KCTD15: variants seen among roughly 807,000 people sequenced by gnomAD.
The protein encoded by KCTD15 is potassium channel tetramerization domain containing 15, also known as BTB/POZ domain-containing protein KCTD15.
KCTD15 carries 11 observed loss-of-function variants against 27.2 expected under a neutral mutation model. The observed-to-expected ratio is 0.41, with a 90% confidence interval of 0.25 to 0.67. The LOEUF is 0.67. Among genes scored for constraint, KCTD15 ranks in the 30% least tolerant of loss-of-function variants. KCTD15 has a pLI of 0.35. For synonymous variants in KCTD15, 163 were observed against 176.0 expected (o/e 0.93, Z 0.58); for missense variants, 350 against 409.3 (o/e 0.86, Z 1.25).
intron 4 of KCTD15, among the ~76,000 whole-genome samples, chr19:33,804,926 CCTTTTCTTTCTTT>C (rs1975666891): frequency 6.6e-6 from 1 of 152,138 alleles, no homozygotes; most frequent in Non-Finnish European, 1.5e-5. Flanking sequence ...ACAGCCTTGC[CCTTTTCTTTCTTT>C]CTTTTAAGCG....
rs925910354 is a variant in KCTD15 at position 33,800,497 on chromosome 19, A to G, written c.43A>G (p.Thr15Ala). ...GCGGCCGAGCGGGTCCTCGCTTCAC[A>G]CACACGGCAGCACCGGCACCGCGGT... ...KERPSGSSLH[T>A]HGSTGTAEGG... is the part of the protein sequence containing the mutation. Residue 15 changes from threonine (T) to alanine (A), a missense_variant, in exon 3 of 7, where the codon ACA becomes GCA. Thr to Ala is a moderately conservative substitution (Grantham distance 58). Around this residue, in one of 3 missense-constraint regions of KCTD15, gnomAD observed 77 missense variants for 72.7 expected, o/e 1.06. Transcript: ENST00000683859. 5 of 1,603,606 alleles carry G rather than the reference A, an allele frequency of 3.1e-6. No homozygotes were observed. Among genetic ancestry groups the G allele is most frequent in the Middle Eastern group, 1.7e-4 (1 of 6,022 alleles).
At chr19:33,801,114 A>G in intron 3 of KCTD15, 53 bp from the exon 4 acceptor site, 1 of 1,510,308 alleles carries the variant, frequency 6.6e-7, no homozygotes, top group East Asian at 2.3e-5. Context: ...TTGTGGAGAA[A>G]CTCTTGTGTT....
chr19:33,811,954 G>A, intron 6 of KCTD15: 1 of 1,517,286 alleles, frequency 6.6e-7, no homozygotes, highest in African/African-American at 1.4e-5. Flanking sequence ...GCTGACCTGG[G>A]AGTCGCAGGC....
At position 33,813,587 on chromosome 19, in the gene KCTD15, GGGCTGAGTGA is replaced by G; in HGVS notation, c.*640_*649del. On this transcript the variant is annotated 3_prime_UTR_variant, in exon 7 of 7. Transcript: ENST00000683859. Reference sequence around the variant, plus strand: ...TGGGAGGAGAGTGGTGGGGGCCTGAGGGCTGAGTGATTCTGTAACCACCTGAGACCTTCAC... The same window carrying G: ...TGGGAGGAGAGTGGTGGGGGCCTGAGTTCTGTAACCACCTGAGACCTTCAC... 1 of 350,572 alleles carries G rather than the reference GGGCTGAGTGA, an allele frequency of 2.9e-6. No individual in the cohort carries two copies. The highest frequency in any genetic ancestry group is 5.6e-6 in the Non-Finnish European group (1 of 178,620). 21.7% of individuals were successfully genotyped at this position (350,572 alleles called of 1,614,324 possible). A position where few individuals can be genotyped will look rare whatever the true frequency, so the allele number is the denominator to read the frequency against.
chr19:33,801,242 C>T lies in KCTD15; in HGVS notation c.142C>T (p.Pro48Ser), dbSNP rs1002013190. The T allele has an allele frequency of 1.9e-6, 3 of 1,613,518 alleles. No individual in the cohort carries two copies. Among genetic ancestry groups the T allele is most frequent in the Non-Finnish European group, 2.5e-6 (3 of 1,179,852 alleles). The change falls in exon 4 of 7, where the codon CCA becomes TCA. Residue 48 changes from proline to serine, a missense_variant. By Grantham distance (74) the Pro-to-Ser change is moderately conservative. Transcript: ENST00000683859. ...CCTGGCTGCCCAGGGCATCCCCCTG[C>T]CAGCCCAGCTCACCAAGTCCAATGC... ...SPLAAQGIPL[P>S]AQLTKSNAPV...
intron 6 of KCTD15, chr19:33,811,760 G>A (rs759493719): frequency 1.0e-5 from 16 of 1,574,720 alleles, no homozygotes; most frequent in Non-Finnish European, 1.3e-5. Context: ...TAAAAAAATC[G>A]ATCTGTACTT....
chr19:33,812,193 C>A (rs925271552), intron 6 of KCTD15: 3 of 1,124,336 alleles, frequency 2.7e-6, no homozygotes, highest in African/African-American at 1.6e-5. Context: ...ACGGGTGTTA[C>A]ACGCAGTCAT....
rs1975437093 is a variant in KCTD15 at position 33,798,767 on chromosome 19, G to GT, written c.-28+2dup. ...GGCGTAAAGCCTGGGGCTTCCAACG[G>GT]TAAGTTTCTGGCTTGCCATGAACAT... On this transcript the variant is annotated splice_donor_variant, in intron 2 of 6. Transcript: ENST00000683859. LOFTEE classifies it low-confidence loss of function (5UTR_SPLICE). 6.5e-6 allele frequency: 1 copy of GT among 152,790 alleles called. No individual in the cohort carries two copies. The highest frequency in any genetic ancestry group is 6.5e-5 in the Admixed American group (1 of 15,306). 9.5% of individuals were successfully genotyped at this position (152,790 alleles called of 1,614,324 possible). A position where few individuals can be genotyped will look rare whatever the true frequency, so the allele number is the denominator to read the frequency against.
rs979778331 is a variant in KCTD15, at chr19:33,815,207, G to A, written c.*2259G>A. On this transcript the variant is annotated 3_prime_UTR_variant, in exon 7 of 7. Coordinates refer to ENST00000683859, the MANE Select transcript of KCTD15 (RefSeq NM_001129994.2). ...AAAATAAAATTTATTAATAAAGAAG[G>A]GGAAAAAGGAGTAACTCTACCTGAC... is the stretch of plus-strand genomic sequence containing the variant. 1 of 151,976 alleles carries A rather than the reference G, an allele frequency of 6.6e-6. No homozygotes were observed. Among genetic ancestry groups the A allele is most frequent in the Non-Finnish European group, 1.5e-5 (1 of 67,982 alleles). 9.4% of individuals were successfully genotyped at this position (151,976 alleles called of 1,614,324 possible).
Position 33,811,273 on chromosome 19 carries a change from G to A in KCTD15, c.414G>A (p.Ala138=), listed in dbSNP as rs771494583. The A allele has an allele frequency of 3.9e-6, 6 of 1,533,126 alleles. No individual in the cohort carries two copies. The highest frequency in any genetic ancestry group is 4.9e-5 in the East Asian group (2 of 40,584). The allele number at this position is 1,533,126 out of a possible 1,614,324, so 95.0% of individuals were successfully genotyped here. The change falls in exon 6 of 7, where the codon GCG becomes GCA. Residue 138 remains alanine, a synonymous_variant. Coordinates refer to ENST00000683859, the MANE Select transcript of KCTD15 (RefSeq NM_001129994.2). ...ACTTCAGTCTGCTGTACGAGGAGGCGCGCTACTATCAGCTCCAGCCCATGG... is the reference window on the plus strand; with the variant it reads ...ACTTCAGTCTGCTGTACGAGGAGGCACGCTACTATCAGCTCCAGCCCATGG... ...FKDFSLLYEE[A]RYYQLQPMVR...
At chr19:33,799,585 T>A (rs1183333548) in intron 2 of KCTD15, 1 of 152,264 alleles carries the variant, frequency 6.6e-6, no homozygotes, top group Non-Finnish European at 1.5e-5. Flanking sequence ...AGGGACAATC[T>A]TATTTCAGGT....
intron 3 of KCTD15, 66 bp from the exon 4 acceptor site, chr19:33,801,101 G>A (rs531904239): frequency 1.4e-6 from 2 of 1,444,466 alleles, no homozygotes; most frequent in Non-Finnish European, 1.9e-6. Context: ...GTGCATGGCT[G>A]TGTTGTGGAG....
At chr19:33,795,620 A>G (rs565687904), upstream of KCTD15, among the ~76,000 whole-genome samples, 446 of 152,024 alleles carry the variant, frequency 2.9e-3, 5 homozygotes, top group Non-Finnish European at 1.3e-3. Flanking sequence ...TCCGTTTCCT[A>G]GGAGCCGGGA....
chr19:33,812,510 C>T (rs865867754), intron 6 of KCTD15: 55 of 1,226,582 alleles, frequency 4.5e-5, no homozygotes, highest in African/African-American at 7.8e-5. Flanking sequence ...TTTTGCCTCC[C>T]GGAATCAAGG....
chr19:33,811,569 G>A lies in KCTD15; in HGVS notation c.693+17G>A. The A allele has an allele frequency of 6.3e-7, 1 of 1,576,086 alleles. No homozygotes were observed. The highest frequency in any genetic ancestry group is 8.6e-7 in the Non-Finnish European group (1 of 1,158,926). On this transcript the variant is annotated intron_variant, in intron 6 of 6. Coordinates refer to ENST00000683859, the MANE Select transcript of KCTD15 (RefSeq NM_001129994.2). The stretch of plus-strand genomic sequence containing the variant: ...TCGGTACAGGTGAGGGCTGCACGCT[G>A]CCCCCTCCCCGCCGCACCCCCGGCG...
At chr19:33,808,573 GTTTGA>G (rs1271493817) in intron 5 of KCTD15, among the ~76,000 whole-genome samples, 1 of 152,182 alleles carries the variant, frequency 6.6e-6, no homozygotes, top group East Asian at 1.9e-4. Context: ...GGAGGCTGCT[GTTTGA>G]TGTCAGGACC....
Position 33,811,445 on chromosome 19 carries a change from G to C in KCTD15, c.586G>C (p.Glu196Gln). ...GGCCCTCATCGAGGAGGTCTTCCCC[G>C]AGACCGGAGACGTCATGTGCAACTC... Reference protein sequence around the residue: ...EKALIEEVFPETGDVMCNSVN... With the variant: ...EKALIEEVFPQTGDVMCNSVN... The change falls in exon 6 of 7, where the codon GAG (glutamate) becomes CAG (glutamine). Residue 196 changes from glutamate (E) to glutamine (Q), a missense_variant. This residue lies in a region of KCTD15 where 219 missense variants were observed against 234.9 expected (regional missense o/e 0.93). Transcript: ENST00000683859. The C allele has an allele frequency of 6.2e-7, 1 of 1,612,824 alleles. No homozygotes were observed. The highest frequency in any genetic ancestry group is 8.5e-7 in the Non-Finnish European group (1 of 1,179,806).
At chr19:33,809,694 C>G (rs1324285474) in intron 5 of KCTD15, among the ~76,000 whole-genome samples, 2 of 152,048 alleles carry the variant, frequency 1.3e-5, no homozygotes, top group Admixed American at 1.3e-4. Context: ...CTTGTGTCTA[C>G]AAATAATTAT....
chr19:33,804,321 C>T (rs921337586), intron 4 of KCTD15, among the ~76,000 whole-genome samples: 7 of 152,158 alleles, frequency 4.6e-5, no homozygotes, highest in African/African-American at 7.2e-5. Context: ...AAACTTGGAC[C>T]GATGAGACAA....
Sources: allele counts gnomAD v4.1 joint callset (sites outside exome capture counted in the v4.1 genomes callset), GRCh38; gene constraint gnomAD v4.1.1; regional missense constraint gnomAD v4.1.1; transcripts MANE v1.5; gene names NCBI Gene and HGNC (gene_info 2026-07-23, HGNC 2026-07-21).